FUT9: variants seen among roughly 807,000 people sequenced by gnomAD.
FUT9 encodes the protein 4-galactosyl-N-acetylglucosaminide 3-alpha-L-fucosyltransferase 9.
A neutral mutation model predicts 29.7 loss-of-function variants in FUT9; 15 were observed. The ratio of observed to expected loss-of-function variants is 0.51; its 90% CI spans 0.34 to 0.78. The LOEUF (loss-of-function observed/expected upper bound fraction) is 0.78. FUT9 is among the 30% of genes least tolerant of loss of function. The probability of loss-of-function intolerance (pLI) is 0.01; values close to 1 mark genes in which losing one functional copy is unlikely to be tolerated. For synonymous variants in FUT9, 169 were observed against 153.7 expected, an observed-to-expected ratio of 1.10 and a Z score of -0.74; for missense variants, 319 against 425.4, an observed-to-expected ratio of 0.75 and a Z score of 2.20.
intron 2 of FUT9, among the ~76,000 whole-genome samples, chr6:96,120,828 G>A (rs987427571): frequency 1.3e-5 from 2 of 151,772 alleles, no homozygotes; most frequent in Non-Finnish European, 2.9e-5. Context: ...AACATAAAAT[G>A]AGTCTTGGTG....
chr6:96,090,402 C>A (rs1052141818), intron 1 of FUT9, among the ~76,000 whole-genome samples: 1 of 151,532 alleles, frequency 6.6e-6, no homozygotes, highest in South Asian at 2.1e-4. Flanking sequence ...TACTTATAGA[C>A]TACAATTTAT....
intron 1 of FUT9, among the ~76,000 whole-genome samples, chr6:96,030,483 C>T (rs532822067): frequency 2.0e-5 from 3 of 151,468 alleles, no homozygotes; most frequent in African/African-American, 4.8e-5. Flanking sequence ...TTACCAAGTC[C>T]GAGTGAAAAT....
chr6:96,135,470 C>G (rs1227550899), intron 2 of FUT9, among the ~76,000 whole-genome samples: 1 of 151,912 alleles, frequency 6.6e-6, no homozygotes, highest in Non-Finnish European at 1.5e-5. Context: ...AATACTCAAA[C>G]TGCTTTAGGC....
chr6:96,203,558 A>C lies in FUT9; in HGVS notation c.403A>C (p.Asn135His), dbSNP rs199945143. 1 of 1,613,852 alleles carries C rather than the reference A, an allele frequency of 6.2e-7. No homozygotes were observed. Among genetic ancestry groups the C allele is most frequent in the Non-Finnish European group, 8.5e-7 (1 of 1,179,954 alleles). The change falls in exon 3 of 3, where the codon AAT becomes CAT. Residue 135 changes from asparagine (N) to histidine (H), a missense_variant. Transcript: ENST00000302103. Reference protein sequence around the residue: ...RPPFQKWIWMNLESPTHTPQK... With the variant: ...RPPFQKWIWMHLESPTHTPQK... ...ACCCTTCCAGAAATGGATTTGGATG[A>C]ATTTGGAATCACCAACTCACACTCC...
At chr6:96,194,359 A>T (rs1252166700) in intron 2 of FUT9, among the ~76,000 whole-genome samples, 2 of 152,108 alleles carry the variant, frequency 1.3e-5, no homozygotes, top group Non-Finnish European at 2.9e-5. Flanking sequence ...GATGCTGCTG[A>T]TCTAGTGCCA....
At chr6:96,066,384 T>C (rs914838000) in intron 1 of FUT9, among the ~76,000 whole-genome samples, 1 of 152,070 alleles carries the variant, frequency 6.6e-6, no homozygotes, top group Non-Finnish European at 1.5e-5. Context: ...AATTATTTTA[T>C]TATAAGCATT....
At chr6:96,136,740 G>A (rs976699494) in intron 2 of FUT9, among the ~76,000 whole-genome samples, 1 of 151,874 alleles carries the variant, frequency 6.6e-6, no homozygotes, top group Non-Finnish European at 1.5e-5. Context: ...TCATAAGTGT[G>A]GTAAAGCTCT....
At chr6:96,092,968 A>G (rs1771436849) in intron 1 of FUT9, among the ~76,000 whole-genome samples, 2 of 152,090 alleles carry the variant, frequency 1.3e-5, no homozygotes, top group South Asian at 2.1e-4. Flanking sequence ...GAGTCTTGCT[A>G]TGTTTCCCAG....
rs1022845824 is a variant in FUT9 at position 96,204,808 on chromosome 6, A to G, written c.*573A>G. On this transcript the variant is annotated 3_prime_UTR_variant, in exon 3 of 3. Coordinates refer to ENST00000302103, the MANE Select transcript of FUT9 (RefSeq NM_006581.4). Reference sequence around the variant, plus strand: ...TATTCATGGAGTGAATAAGAAAGATATGAAGCAGAACTGTTCTATTCGGGA... The same window carrying G: ...TATTCATGGAGTGAATAAGAAAGATGTGAAGCAGAACTGTTCTATTCGGGA... The G allele has an allele frequency of 6.0e-6, 1 of 166,678 alleles. No individual in the cohort carries two copies. The highest frequency in any genetic ancestry group is 1.5e-5 in the Non-Finnish European group (1 of 68,104). 10.3% of individuals were successfully genotyped at this position (166,678 alleles called of 1,614,324 possible).
chr6:96,212,068 G>A lies in FUT9; in HGVS notation c.*7833G>A. ...TCCACACATGGCTGCATTCCATTTTGATTAATGAGGGTTCAGGAAATAGAA... is the reference window on the plus strand; with the variant it reads ...TCCACACATGGCTGCATTCCATTTTAATTAATGAGGGTTCAGGAAATAGAA... On this transcript the variant is annotated 3_prime_UTR_variant, in exon 3 of 3. Transcript: ENST00000302103. 2 of 412,364 alleles carry A rather than the reference G, an allele frequency of 4.9e-6. No individual in the cohort carries two copies. Among genetic ancestry groups the A allele is most frequent in the Non-Finnish European group, 8.9e-6 (2 of 225,324 alleles). The allele number at this position is 412,364 out of a possible 1,614,324, so 25.5% of individuals were successfully genotyped here.
chr6:96,056,756 TA>T (rs200622046), intron 1 of FUT9, among the ~76,000 whole-genome samples: 2,275 of 141,886 alleles, frequency 0.016, 34 homozygotes, highest in East Asian at 0.098. Flanking sequence ...AAGGAAAAAA[TA>T]AAAAAAAAAA....
At chr6:96,092,062 G>C (rs1255420780) in intron 1 of FUT9, among the ~76,000 whole-genome samples, 3 of 152,000 alleles carry the variant, frequency 2.0e-5, no homozygotes, top group African/African-American at 7.2e-5. Context: ...ATTAAAAATA[G>C]TATACTATGA....
chr6:96,065,609 G>A (rs546888697), intron 1 of FUT9, among the ~76,000 whole-genome samples: 1 of 152,132 alleles, frequency 6.6e-6, no homozygotes, highest in Non-Finnish European at 1.5e-5. Context: ...GCAATTTGAA[G>A]AAATGTGAAT....
intron 2 of FUT9, among the ~76,000 whole-genome samples, chr6:96,141,978 A>C (rs910648714): frequency 6.6e-6 from 1 of 152,244 alleles, no homozygotes; most frequent in Non-Finnish European, 1.5e-5. Flanking sequence ...GTGATTACTT[A>C]GTCCAAACAC....
At chr6:96,018,402 C>G (rs1325079) in intron 1 of FUT9, among the ~76,000 whole-genome samples, 112,358 of 151,968 alleles carry the variant, frequency 0.74, 41,766 homozygotes, top group Admixed American at 0.82. Context: ...CTATGAGAAT[C>G]CAAATAACTA....
intron 2 of FUT9, among the ~76,000 whole-genome samples, chr6:96,180,964 G>C (rs913056388): frequency 6.6e-6 from 1 of 151,378 alleles, no homozygotes; most frequent in African/African-American, 2.4e-5. Flanking sequence ...GGAGAAAAGA[G>C]ATCTTTACCT....
intron 2 of FUT9, among the ~76,000 whole-genome samples, chr6:96,167,528 G>GCA (rs1378921895): frequency 6.6e-6 from 1 of 152,164 alleles, no homozygotes; most frequent in Non-Finnish European, 1.5e-5. Context: ...CATTTATGAA[G>GCA]CACTTACTGT....
chr6:96,104,604 C>T (rs1373001164), intron 1 of FUT9, among the ~76,000 whole-genome samples: 1 of 151,394 alleles, frequency 6.6e-6, no homozygotes, highest in Non-Finnish European at 1.5e-5. Flanking sequence ...GATCTCGGCT[C>T]ACCGCAATCT....
chr6:96,178,747 T>C (rs1582288497), intron 2 of FUT9, among the ~76,000 whole-genome samples: 1 of 152,128 alleles, frequency 6.6e-6, no homozygotes, highest in African/African-American at 2.4e-5. Flanking sequence ...GGAAGGAATA[T>C]GAACTGTAGT....
Sources: gnomAD v4.1 joint callset for allele counts (sites outside exome capture counted in the v4.1 genomes callset) on GRCh38, gnomAD v4.1.1 for gene constraint, MANE v1.5 for transcripts, NCBI Gene and HGNC (gene_info 2026-07-23, HGNC 2026-07-21) for gene names.